The following AGBL1 variants were observed in gnomAD, a reference collection of about 807,000 sequenced individuals.
The protein encoded by AGBL1 is cytosolic carboxypeptidase 4.
A neutral mutation model predicts 118.9 loss-of-function variants in AGBL1; 130 were observed. That is an observed-to-expected ratio of 1.09 (90% CI 0.95 to 1.26). The LOEUF (loss-of-function observed/expected upper bound fraction) is 1.26, where lower values mean the gene tolerates loss of function less well. Among genes scored for constraint, AGBL1 ranks in the 50% most tolerant of loss-of-function variants. AGBL1 has a pLI of 0.00. For synonymous variants in AGBL1, 555 were observed against 478.9 expected (o/e 1.16, Z -2.08); for missense variants, 1,584 against 1,298.1 (o/e 1.22, Z -3.38).
chr15:86,396,241 G>GTA (rs1347250101), intron 17 of AGBL1, among the ~76,000 whole-genome samples: 102 of 133,076 alleles, frequency 7.7e-4, no homozygotes, highest in East Asian at 5.3e-3. Context: ...GTGTGTGTGT[G>GTA]TGTATATATA....
intron 17 of AGBL1, among the ~76,000 whole-genome samples, chr15:86,310,955 T>A (rs1433537758): frequency 6.6e-6 from 1 of 152,174 alleles, no homozygotes; most frequent in Non-Finnish European, 1.5e-5. Flanking sequence ...TAAAGACCTT[T>A]GGACACTTAG....
At chr15:86,680,568 T>TTC (rs1036530188) in intron 22 of AGBL1, among the ~76,000 whole-genome samples, 6 of 137,388 alleles carry the variant, frequency 4.4e-5, no homozygotes, top group South Asian at 4.9e-4. Context: ...TTCTTTTCTT[T>TTC]TTTTTTTTTT....
rs973911764 is a variant in AGBL1 at position 86,867,222 on chromosome 15, A to G, written c.3159-39865A>G. Among the ~76,000 whole-genome samples the G allele has an allele frequency of 8.3e-4, 127 of 152,322 alleles. 1 individual carries two copies. Among genetic ancestry groups the G allele is most frequent in the African/African-American group, 2.9e-3 (122 of 41,576 alleles). On this transcript the variant is annotated intron_variant, in intron 22 of 22. Transcript: ENST00000614907. Reference sequence around the variant, plus strand: ...GTAGGTACAATTATAGAACTCATTGAAGGTTTACTCAGCCCTCATTTTTTT... The same window carrying G: ...GTAGGTACAATTATAGAACTCATTGGAGGTTTACTCAGCCCTCATTTTTTT...
intron 18 of AGBL1, among the ~76,000 whole-genome samples, chr15:86,415,496 T>C (rs571738899): frequency 3.3e-5 from 5 of 152,324 alleles, no homozygotes; most frequent in East Asian, 1.9e-4. Context: ...AGTGTTCTTA[T>C]ACATGTTAAA....
chr15:86,683,242 T>G (rs2085993609), intron 22 of AGBL1, among the ~76,000 whole-genome samples: 1 of 152,164 alleles, frequency 6.6e-6, no homozygotes. Context: ...TGTGTGTGTT[T>G]CTGGGTAAGT....
At chr15:86,192,906 T>G (rs1425605483) in intron 5 of AGBL1, among the ~76,000 whole-genome samples, 12 of 152,200 alleles carry the variant, frequency 7.9e-5, no homozygotes, top group Non-Finnish European at 4.4e-5. Flanking sequence ...TATTTAGTGA[T>G]CTGTCCATTA....
intron 23 of AGBL1, among the ~76,000 whole-genome samples, chr15:86,977,837 A>G (rs1187735619): frequency 6.6e-6 from 1 of 152,108 alleles, no homozygotes; most frequent in African/African-American, 2.4e-5. Flanking sequence ...ACTACTGAAT[A>G]AGGAAATATG....
At chr15:86,690,377 A>G (rs2086142696) in intron 22 of AGBL1, among the ~76,000 whole-genome samples, 1 of 152,180 alleles carries the variant, frequency 6.6e-6, no homozygotes, top group African/African-American at 2.4e-5. Context: ...AATTGACAGC[A>G]TAGGGAGTTT....
chr15:86,373,729 A>G (rs1658492889), intron 17 of AGBL1, among the ~76,000 whole-genome samples: 1 of 152,212 alleles, frequency 6.6e-6, no homozygotes, highest in African/African-American at 2.4e-5. Context: ...AGCATGCTGG[A>G]AAGACCAGGG....
chr15:86,758,724 C>T (rs1183694021), intron 22 of AGBL1, among the ~76,000 whole-genome samples: 3 of 151,898 alleles, frequency 2.0e-5, no homozygotes, highest in African/African-American at 7.2e-5. Flanking sequence ...AAAATCCCAG[C>T]ACTTTGGGAG....
At chr15:86,634,432 G>T (rs546720098) in intron 21 of AGBL1, among the ~76,000 whole-genome samples, 1 of 152,206 alleles carries the variant, frequency 6.6e-6, no homozygotes, top group South Asian at 2.1e-4. Flanking sequence ...AAAACATTGC[G>T]CTAAGTGAAA....
intron 18 of AGBL1, among the ~76,000 whole-genome samples, chr15:86,436,985 G>A (rs1391026618): frequency 2.6e-5 from 4 of 151,026 alleles, no homozygotes; most frequent in Admixed American, 2.6e-4. Flanking sequence ...TGTGCAGACG[G>A]ATTTGAGCAG....
chr15:86,879,364 A>G (rs1353223983), intron 22 of AGBL1, among the ~76,000 whole-genome samples: 4 of 152,094 alleles, frequency 2.6e-5, no homozygotes, highest in Non-Finnish European at 4.4e-5. Flanking sequence ...GCCTCCCCAC[A>G]TGGTCTTTTT....
intron 22 of AGBL1, among the ~76,000 whole-genome samples, chr15:86,883,067 A>T (rs2079918416): frequency 6.6e-6 from 1 of 152,216 alleles, no homozygotes; most frequent in African/African-American, 2.4e-5. Flanking sequence ...TTGGTATTGC[A>T]TTAAGTTTTT....
At position 86,672,572 on chromosome 15, in the gene AGBL1, T is replaced by A. The variant is rs537120148; in HGVS notation, c.2995-1701T>A. ...CGCCTCCCCTTTGCCACCTGTGAGG[T>A]GGCTGACTGAGCAGGCAGGTGTGAC... On this transcript the variant is annotated intron_variant, in intron 21 of 22. Transcript: ENST00000614907. Among the ~76,000 whole-genome samples, 3 of 152,248 alleles carry A rather than the reference T, an allele frequency of 2.0e-5. No homozygotes were observed. The South Asian group carries it at 6.2e-4, about 32-fold the overall frequency.
At chr15:86,240,417 G>A (rs943245882) in intron 6 of AGBL1, among the ~76,000 whole-genome samples, 17 of 152,282 alleles carry the variant, frequency 1.1e-4, no homozygotes, top group East Asian at 9.7e-4. Flanking sequence ...CAGTGGTATC[G>A]TATACTGTAG....
At chr15:86,363,210 G>T (rs527349331) in intron 17 of AGBL1, among the ~76,000 whole-genome samples, 1 of 152,090 alleles carries the variant, frequency 6.6e-6, no homozygotes, top group Non-Finnish European at 1.5e-5. Context: ...AGGCACTTTT[G>T]TCTGCGGGGA....
rs574724700 is a variant in AGBL1, at chr15:86,925,050, C to T, written c.3222-62937C>T. 1.5e-4 allele frequency among the ~76,000 whole-genome samples: 23 copies of T among 150,556 alleles called. No individual in the cohort carries two copies. The South Asian group carries it at 1.9e-3, about 13-fold the overall frequency. On this transcript the variant is annotated intron_variant, in intron 23 of 24. Coordinates refer to the AGBL1 transcript ENST00000441037. ...CCGGGAGGTGGAGGTTGCAGTGAGC[C>T]GAGACTGCACCACTGCACTCCAGCC...
chr15:86,482,468 A>T (rs1567017707), intron 18 of AGBL1, among the ~76,000 whole-genome samples: 2 of 152,188 alleles, frequency 1.3e-5, no homozygotes, highest in Non-Finnish European at 2.9e-5. Context: ...GATTAAAAAA[A>T]TAATGATTTC....
Sources: allele counts gnomAD v4.1 joint callset (sites outside exome capture counted in the v4.1 genomes callset), GRCh38; gene constraint gnomAD v4.1.1; transcripts MANE v1.5; gene names NCBI Gene and HGNC (gene_info 2026-07-23, HGNC 2026-07-21).